Variants in GLYATL2 observed in about 807,000 individuals in gnomAD.
GLYATL2 encodes the protein glycine N-acyltransferase-like protein 2.
A neutral mutation model predicts 21.4 loss-of-function variants in GLYATL2; 25 were observed. That is an observed-to-expected ratio of 1.17 (90% CI 0.85 to 1.63). The LOEUF (loss-of-function observed/expected upper bound fraction) is 1.63. Ranked by LOEUF, GLYATL2 falls within the 40% of genes most tolerant of loss-of-function variation. GLYATL2 has a pLI of 0.00. For missense variants in GLYATL2, 361 were observed against 343.3 expected, an observed-to-expected ratio of 1.05 and a Z score of -0.41; for synonymous variants, 114 against 118.2, an observed-to-expected ratio of 0.96 and a Z score of 0.23.
At chr11:58,859,805 G>C (rs1297359405) in intron 1 of GLYATL2, among the ~76,000 whole-genome samples, 1 of 152,074 alleles carries the variant, frequency 6.6e-6, no homozygotes, top group Non-Finnish European at 1.5e-5. Context: ...CATGGTGTGA[G>C]ATAAGGTCTA....
At chr11:58,873,396 C>T (rs1854162716) in intron 1 of GLYATL2, among the ~76,000 whole-genome samples, 1 of 152,096 alleles carries the variant, frequency 6.6e-6, no homozygotes, top group Non-Finnish European at 1.5e-5. Context: ...AGTTTTTGTC[C>T]TTTCAGTATG....
chr11:58,875,956 T>G (rs990792126), intron 1 of GLYATL2, among the ~76,000 whole-genome samples: 1 of 152,234 alleles, frequency 6.6e-6, no homozygotes, highest in East Asian at 1.9e-4. Flanking sequence ...TCTTTTCACA[T>G]AGTCCCATAT....
At chr11:58,900,949 A>G (rs1392623425) in intron 1 of GLYATL2, among the ~76,000 whole-genome samples, 1 of 150,384 alleles carries the variant, frequency 6.6e-6, no homozygotes, top group African/African-American at 2.5e-5. Flanking sequence ...TCTCCTCCCT[A>G]TTCCAGTAGG....
intron 1 of GLYATL2, among the ~76,000 whole-genome samples, chr11:58,861,543 T>C (rs946600072): frequency 2.6e-5 from 4 of 151,960 alleles, no homozygotes; most frequent in African/African-American, 9.6e-5. Context: ...TTCTTTAATG[T>C]TTTTATAGTT....
chr11:58,900,488 G>T (rs1854717511), intron 1 of GLYATL2, among the ~76,000 whole-genome samples: 3 of 152,244 alleles, frequency 2.0e-5, no homozygotes, highest in South Asian at 2.1e-4. Context: ...TCCTACTCCC[G>T]CCCGGCAGCT....
At chr11:58,874,224 C>G (rs625957) in intron 1 of GLYATL2, among the ~76,000 whole-genome samples, 1 of 152,054 alleles carries the variant, frequency 6.6e-6, no homozygotes, top group African/African-American at 2.4e-5. Flanking sequence ...ATTTTGTTGA[C>G]CTTTTCAAAA....
chr11:58,847,790 G>A (rs1853669250), upstream of GLYATL2, among the ~76,000 whole-genome samples: 1 of 152,166 alleles, frequency 6.6e-6, no homozygotes, highest in South Asian at 2.1e-4. Context: ...CACAGGCCTT[G>A]CTGGCTTTGC....
In GLYATL2 at chr11:58,834,176, T is replaced by A. The variant is rs910325101; in HGVS notation, c.*253A>T. On this transcript the variant is annotated 3_prime_UTR_variant, in exon 6 of 6. Coordinates refer to ENST00000287275, the MANE Select transcript of GLYATL2 (RefSeq NM_145016.4). ...TGCCGTTAAAGGGTTATCTTGGCAC[T>A]AATGATTGGCTTTGGGTGATTTTAA... The A allele has an allele frequency of 2.4e-5, 8 of 327,820 alleles. No individual in the cohort carries two copies. The highest frequency in any genetic ancestry group is 1.7e-4 in the African/African-American group (8 of 47,104). The allele number at this position is 327,820 out of a possible 1,614,324, so 20.3% of individuals were successfully genotyped here.
At chr11:58,875,906 C>T (rs1438148738) in intron 1 of GLYATL2, among the ~76,000 whole-genome samples, 1 of 152,192 alleles carries the variant, frequency 6.6e-6, no homozygotes, top group Non-Finnish European at 1.5e-5. Context: ...GTTCCATTCT[C>T]CCCGTCACTT....
chr11:58,858,504 CT>C (rs779394953), intron 1 of GLYATL2, among the ~76,000 whole-genome samples: 4 of 151,354 alleles, frequency 2.6e-5, no homozygotes, highest in Non-Finnish European at 5.9e-5. Context: ...AAGCCCTTCC[CT>C]TTCCACTTGT....
chr11:58,874,423 T>C (rs1018266004), intron 1 of GLYATL2, among the ~76,000 whole-genome samples: 1 of 152,228 alleles, frequency 6.6e-6, no homozygotes, highest in Non-Finnish European at 1.5e-5. Context: ...CTTATGGGCA[T>C]TTAGTGCTAT....
chr11:58,889,363 C>T (rs145105158), intron 1 of GLYATL2, among the ~76,000 whole-genome samples: 131 of 151,940 alleles, frequency 8.6e-4, no homozygotes, highest in Middle Eastern at 3.4e-3. Context: ...TGCTTCTTTG[C>T]CAATATTTAT....
At chr11:58,857,888 C>CAAAA (rs545952478) in intron 1 of GLYATL2, among the ~76,000 whole-genome samples, 73 of 108,420 alleles carry the variant, frequency 6.7e-4, no homozygotes, top group African/African-American at 2.6e-3. Flanking sequence ...TTTTCCCCTC[C>CAAAA]AAAAAAAAAA....
intron 1 of GLYATL2, among the ~76,000 whole-genome samples, chr11:58,901,852 A>G (rs1358105534): frequency 6.6e-6 from 1 of 152,096 alleles, no homozygotes; most frequent in East Asian, 1.9e-4. Flanking sequence ...AATCTTGATC[A>G]CTCTACCCCC....
chr11:58,851,450 G>A (rs1323192692), intron 1 of GLYATL2, among the ~76,000 whole-genome samples: 2 of 152,216 alleles, frequency 1.3e-5, no homozygotes, highest in East Asian at 3.9e-4. Flanking sequence ...AGTTGGTCAT[G>A]ATGAATAATC....
At chr11:58,851,994 G>A (rs1483508944) in intron 1 of GLYATL2, among the ~76,000 whole-genome samples, 1 of 152,162 alleles carries the variant, frequency 6.6e-6, no homozygotes, top group Non-Finnish European at 1.5e-5. Context: ...GAGAAGGCTG[G>A]CATCTGAGTT....
At chr11:58,885,796 C>A (rs1223631070) in intron 1 of GLYATL2, among the ~76,000 whole-genome samples, 1 of 152,086 alleles carries the variant, frequency 6.6e-6, no homozygotes, top group Admixed American at 6.6e-5. Flanking sequence ...GATTAAGGGC[C>A]CTTTGAGGTG....
At chr11:58,849,474 T>A (rs1853701979), upstream of GLYATL2, among the ~76,000 whole-genome samples, 1 of 152,042 alleles carries the variant, frequency 6.6e-6, no homozygotes, top group African/African-American at 2.4e-5. Flanking sequence ...TAGACACATA[T>A]GATCCACCAA....
chr11:58,865,470 A>T (rs1034124314), intron 1 of GLYATL2, among the ~76,000 whole-genome samples: 1 of 149,160 alleles, frequency 6.7e-6, no homozygotes, highest in African/African-American at 2.4e-5. Context: ...GAAGAGACTC[A>T]TGGTGAGATA....
Sources: gnomAD v4.1 joint callset for allele counts (sites outside exome capture counted in the v4.1 genomes callset) on GRCh38, gnomAD v4.1.1 for gene constraint, MANE v1.5 for transcripts, NCBI Gene and HGNC (gene_info 2026-07-23, HGNC 2026-07-21) for gene names.